Variants in ARID4A observed in about 807,000 individuals in gnomAD.
The protein encoded by ARID4A is AT-rich interactive domain-containing protein 4A.
ARID4A carries 39 observed loss-of-function variants against 148.6 expected under a neutral mutation model. That is an observed-to-expected ratio of 0.26 (90% CI 0.20 to 0.34). ARID4A has a LOEUF of 0.34. Among genes scored for constraint, ARID4A ranks in the 10% least tolerant of loss-of-function variants. ARID4A has a pLI of 1.00. For missense variants in ARID4A, 1,265 were observed against 1,449.1 expected (o/e 0.87, Z 2.06); for synonymous variants, 475 against 481.2 (o/e 0.99, Z 0.17).
intron 11 of ARID4A, among the ~76,000 whole-genome samples, chr14:58,337,380 G>GT (rs2033887684): frequency 6.6e-6 from 1 of 150,964 alleles, no homozygotes; most frequent in Non-Finnish European, 1.5e-5. Context: ...CAGGATTTTT[G>GT]TTTTTTCCTT....
chr14:58,366,086 A>G lies in ARID4A; in HGVS notation c.3379A>G (p.Lys1127Glu). 6.2e-7 allele frequency: 1 copy of G among 1,613,902 alleles called. No homozygotes were observed. Among genetic ancestry groups the G allele is most frequent in the Non-Finnish European group, 8.5e-7 (1 of 1,179,816 alleles). Reference sequence around the variant, plus strand: ...CAATTCAAGTAAATGTACCCCAGTAAAGCATCTTAATGTATCTAAGCCACA... The same window carrying G: ...CAATTCAAGTAAATGTACCCCAGTAGAGCATCTTAATGTATCTAAGCCACA... ...LDNSSKCTPV[K>E]HLNVSKPQKL... Residue 1127 changes from lysine to glutamate, a missense_variant, in exon 22 of 24, where the codon AAG (lysine) becomes GAG (glutamate). Lys to Glu is a moderately conservative substitution (Grantham distance 56). Coordinates refer to ENST00000355431, the MANE Select transcript of ARID4A (RefSeq NM_002892.4).
At chr14:58,303,331 C>T (rs1015875962) in intron 3 of ARID4A, among the ~76,000 whole-genome samples, 6 of 152,114 alleles carry the variant, frequency 3.9e-5, no homozygotes, top group African/African-American at 1.4e-4. Context: ...CCATTTGAAA[C>T]AATGTGATAT....
intron 11 of ARID4A, among the ~76,000 whole-genome samples, chr14:58,336,582 C>T (rs553026078): frequency 1.3e-5 from 2 of 152,094 alleles, no homozygotes; most frequent in African/African-American, 2.4e-5. Context: ...ATCTGTTGTA[C>T]GAGAACATAC....
chr14:58,346,241 A>G (rs1313091475), intron 12 of ARID4A, among the ~76,000 whole-genome samples, 170 bp from the exon 13 acceptor site: 1 of 150,262 alleles, frequency 6.7e-6, no homozygotes. Flanking sequence ...ATTATTATAT[A>G]TAAAACAACA....
intron 4 of ARID4A, among the ~76,000 whole-genome samples, chr14:58,305,637 A>C (rs951586301): frequency 2.0e-5 from 3 of 152,268 alleles, no homozygotes; most frequent in Non-Finnish European, 1.5e-5. Flanking sequence ...AAGAAAATGG[A>C]TGCTATTTTG....
chr14:58,309,314 C>G (rs888685669), intron 5 of ARID4A, among the ~76,000 whole-genome samples: 2 of 152,200 alleles, frequency 1.3e-5, no homozygotes, highest in Non-Finnish European at 2.9e-5. Context: ...ACAGCACCAA[C>G]TCAAGGGGAT....
At chr14:58,305,202 C>T (rs1366986527) in intron 4 of ARID4A, among the ~76,000 whole-genome samples, 193 bp downstream of exon 4, 1 of 152,094 alleles carries the variant, frequency 6.6e-6, no homozygotes, top group Admixed American at 6.5e-5. Context: ...TACTAAACAT[C>T]TTCTAGAAGG....
intron 11 of ARID4A, among the ~76,000 whole-genome samples, chr14:58,334,869 T>A (rs2033726642): frequency 6.6e-6 from 1 of 152,148 alleles, no homozygotes; most frequent in African/African-American, 2.4e-5. Flanking sequence ...TCTCCCAGCC[T>A]TCTGACAACC....
intron 8 of ARID4A, among the ~76,000 whole-genome samples, chr14:58,324,465 A>C (rs886944903): frequency 2.6e-5 from 4 of 151,774 alleles, no homozygotes; most frequent in Non-Finnish European, 5.9e-5. Flanking sequence ...TATTTTTTGT[A>C]GACATGTAGC....
At chr14:58,368,731 T>G (rs1453684424) in intron 23 of ARID4A, among the ~76,000 whole-genome samples, 1 of 152,236 alleles carries the variant, frequency 6.6e-6, no homozygotes, top group Non-Finnish European at 1.5e-5. Context: ...ATCTTGGTGA[T>G]GGGACCCAAG....
rs575226683 is a variant in ARID4A, at chr14:58,347,691, A to G, written c.1217A>G (p.Gln406Arg). ...FEEYCRSANI[Q>R]FRTVHHHEPK... ...GAGTACTGCCGTTCGGCAAATATTC[A>G]GTTCAGAACTGTTCATCACCATGAA... The change falls in exon 15 of 24, where the codon CAG becomes CGG. Residue 406 changes from glutamine to arginine, a missense_variant. Coordinates refer to ENST00000355431, the MANE Select transcript of ARID4A (RefSeq NM_002892.4). The G allele has an allele frequency of 6.2e-7, 1 of 1,609,770 alleles. No individual in the cohort carries two copies. The highest frequency in any genetic ancestry group is 1.1e-5 in the South Asian group (1 of 89,846).
intron 8 of ARID4A, among the ~76,000 whole-genome samples, chr14:58,325,656 G>A (rs921902286): frequency 6.6e-6 from 1 of 152,116 alleles, no homozygotes; most frequent in Non-Finnish European, 1.5e-5. Flanking sequence ...GGCACAAAAT[G>A]TATCCCAAAT....
intron 16 of ARID4A, among the ~76,000 whole-genome samples, chr14:58,352,797 TCTC>T (rs767006966): frequency 5.9e-5 from 9 of 152,232 alleles, no homozygotes; most frequent in African/African-American, 9.6e-5. Flanking sequence ...TTGATGCAGT[TCTC>T]CTATAAGTCT....
At chr14:58,342,839 G>A (rs192512779) in intron 11 of ARID4A, among the ~76,000 whole-genome samples, 7 of 152,258 alleles carry the variant, frequency 4.6e-5, no homozygotes, top group Non-Finnish European at 1.0e-4. Flanking sequence ...CTTGAACTCG[G>A]GAGGCAGAGG....
chr14:58,324,183 G>C (rs981800260), intron 8 of ARID4A, among the ~76,000 whole-genome samples: 1 of 152,098 alleles, frequency 6.6e-6, no homozygotes, highest in Non-Finnish European at 1.5e-5. Context: ...GATTATAGGC[G>C]TGAGCCACCG....
chr14:58,333,847 G>A (rs2033659530), intron 11 of ARID4A, among the ~76,000 whole-genome samples: 1 of 151,976 alleles, frequency 6.6e-6, no homozygotes, highest in South Asian at 2.1e-4. Flanking sequence ...TAAATTGGTG[G>A]AATTTAAAGA....
intron 15 of ARID4A, 53 bp from the exon 16 acceptor site, chr14:58,351,019 CT>C (rs1215524481): frequency 5.3e-6 from 8 of 1,501,884 alleles, no homozygotes; most frequent in African/African-American, 1.4e-5. Flanking sequence ...TTTTTTCCTG[CT>C]TTTTTCCCCT....
intron 3 of ARID4A, among the ~76,000 whole-genome samples, chr14:58,304,430 G>A (rs746644102): frequency 6.6e-6 from 1 of 152,104 alleles, no homozygotes; most frequent in Non-Finnish European, 1.5e-5. Flanking sequence ...CATCTGTTAC[G>A]GATGGTTACT....
chr14:58,369,713 C>T (rs1166561122), intron 23 of ARID4A, among the ~76,000 whole-genome samples: 1 of 151,846 alleles, frequency 6.6e-6, no homozygotes, highest in Non-Finnish European at 1.5e-5. Flanking sequence ...GTCTTACATC[C>T]GATTTCTCAA....
Sources: gnomAD v4.1 joint callset for allele counts (sites outside exome capture counted in the v4.1 genomes callset) on GRCh38, gnomAD v4.1.1 for gene constraint, MANE v1.5 for transcripts, NCBI Gene and HGNC (gene_info 2026-07-23, HGNC 2026-07-21) for gene names.